The following SCAMP1 variants were observed in gnomAD, a reference collection of about 807,000 sequenced individuals.
SCAMP1 encodes secretory carrier membrane protein 1.
A neutral mutation model predicts 41.8 loss-of-function variants in SCAMP1; 15 were observed. That is an observed-to-expected ratio of 0.36 (90% CI 0.24 to 0.55). The LOEUF is 0.55. SCAMP1 is among the 20% of genes least tolerant of loss of function. The pLI is 0.86. For synonymous variants in SCAMP1, 135 were observed against 136.8 expected, an observed-to-expected ratio of 0.99 and a Z score of 0.09; for missense variants, 341 against 412.6, an observed-to-expected ratio of 0.83 and a Z score of 1.50.
intron 2 of SCAMP1, among the ~76,000 whole-genome samples, chr5:78,408,422 C>A (rs62362629): frequency 0.3 from 45,012 of 151,906 alleles, 6,991 homozygotes; most frequent in East Asian, 0.54. Flanking sequence ...TGGGTGGGGA[C>A]ACAGCCAAAC....
intron 6 of SCAMP1, among the ~76,000 whole-genome samples, chr5:78,449,219 A>T (rs1234034981): frequency 2.0e-5 from 3 of 152,034 alleles, no homozygotes; most frequent in East Asian, 3.8e-4. Context: ...AACTTTATTT[A>T]TAATAATAAA....
At chr5:78,371,591 G>C (rs546791680) in intron 1 of SCAMP1, among the ~76,000 whole-genome samples, 1 of 152,058 alleles carries the variant, frequency 6.6e-6, no homozygotes, top group Non-Finnish European at 1.5e-5. Flanking sequence ...TAACTTGTCC[G>C]GCTTCTAAAA....
chr5:78,405,710 A>G (rs1298130329), intron 2 of SCAMP1, among the ~76,000 whole-genome samples: 2 of 152,090 alleles, frequency 1.3e-5, no homozygotes, highest in African/African-American at 2.4e-5. Flanking sequence ...CAATTCCTGT[A>G]TATGTTTGTG....
chr5:78,458,913 AAGCTTAAAAAATGTAC>A (rs1484875877), intron 7 of SCAMP1, among the ~76,000 whole-genome samples: 4 of 152,312 alleles, frequency 2.6e-5, no homozygotes, highest in African/African-American at 4.8e-5. Flanking sequence ...CAAAACTCAT[AAGCTTAAAAAATGTAC>A]AGCTTAAAAA....
intron 1 of SCAMP1, among the ~76,000 whole-genome samples, chr5:78,368,591 TTCTGG>T (rs1389069703): frequency 2.0e-5 from 3 of 152,198 alleles, no homozygotes; most frequent in African/African-American, 7.2e-5. Flanking sequence ...TAGTATTCTG[TTCTGG>T]TCTAATAGCT....
chr5:78,473,505 A>T (rs547162613), intron 8 of SCAMP1, among the ~76,000 whole-genome samples: 1 of 152,214 alleles, frequency 6.6e-6, no homozygotes, highest in East Asian at 1.9e-4. Context: ...CAGGGGATAC[A>T]TGTGCAGGTT....
At chr5:78,403,703 C>T (rs149411688) in intron 2 of SCAMP1, among the ~76,000 whole-genome samples, 48 of 152,180 alleles carry the variant, frequency 3.2e-4, no homozygotes, top group African/African-American at 9.4e-4. Flanking sequence ...CAGTGGCTCA[C>T]GCCTTTAATC....
At chr5:78,366,628 C>A (rs964703041) in intron 1 of SCAMP1, among the ~76,000 whole-genome samples, 2 of 152,166 alleles carry the variant, frequency 1.3e-5, no homozygotes, top group African/African-American at 4.8e-5. Context: ...AGAATGTTAT[C>A]CATCTTATTT....
intron 1 of SCAMP1, among the ~76,000 whole-genome samples, chr5:78,374,669 T>C (rs1382897915): frequency 1.3e-5 from 2 of 151,774 alleles, no homozygotes; most frequent in African/African-American, 4.8e-5. Context: ...AAAGAAATCT[T>C]TCTCTAGAAT....
rs150858098 is a variant in SCAMP1 at position 78,404,599 on chromosome 5, T to C, written c.136-10921T>C. On this transcript the variant is annotated intron_variant, in intron 2 of 8. Transcript: ENST00000621999. ...AGGTCTCAGTCTTTTATTGAGTCTATGGACTTCACAAATGTTTCGAAGTTG... is the reference window on the plus strand; with the variant it reads ...AGGTCTCAGTCTTTTATTGAGTCTACGGACTTCACAAATGTTTCGAAGTTG... Among the ~76,000 whole-genome samples, 142 of 152,234 alleles carry C rather than the reference T, an allele frequency of 9.3e-4. 4 individuals carry two copies. The East Asian group carries it at 0.026, about 28-fold the overall frequency.
At chr5:78,371,774 ATACTTCCATTTATTT>A (rs1379355263) in intron 1 of SCAMP1, among the ~76,000 whole-genome samples, 4 of 152,350 alleles carry the variant, frequency 2.6e-5, no homozygotes, top group South Asian at 4.1e-4. Context: ...CTTAAAAGAA[ATACTTCCATTTATTT>A]TACAGAATAC....
At chr5:78,447,803 T>C (rs62364297) in intron 6 of SCAMP1, among the ~76,000 whole-genome samples, 3 of 135,996 alleles carry the variant, frequency 2.2e-5, no homozygotes, top group African/African-American at 7.8e-5. Flanking sequence ...CTTCTTCTTC[T>C]TCCTCCTCCC....
intron 7 of SCAMP1, among the ~76,000 whole-genome samples, chr5:78,454,813 T>C (rs1003564980): frequency 6.6e-6 from 1 of 152,246 alleles, no homozygotes; most frequent in African/African-American, 2.4e-5. Context: ...CATCTGGTCC[T>C]GGACTCTTTT....
At chr5:78,469,894 A>T in intron 8 of SCAMP1, among the ~76,000 whole-genome samples, 1 of 34,966 alleles carries the variant, frequency 2.9e-5, no homozygotes, top group African/African-American at 2.8e-4. Context: ...AGACATTAAA[A>T]AAAAAAAAAA....
At chr5:78,426,085 G>A (rs1404278279) in intron 6 of SCAMP1, among the ~76,000 whole-genome samples, 2 of 152,012 alleles carry the variant, frequency 1.3e-5, no homozygotes, top group African/African-American at 4.8e-5. Context: ...GAGAATGATG[G>A]CTTCCAGATT....
At chr5:78,427,500 A>G (rs1238428582) in intron 6 of SCAMP1, among the ~76,000 whole-genome samples, 1 of 152,138 alleles carries the variant, frequency 6.6e-6, no homozygotes, top group Non-Finnish European at 1.5e-5. Context: ...CTATGGCCAT[A>G]TATTCATTTC....
At chr5:78,425,209 T>C (rs777982052) in intron 6 of SCAMP1, among the ~76,000 whole-genome samples, 5 of 152,220 alleles carry the variant, frequency 3.3e-5, no homozygotes, top group East Asian at 1.9e-4. Context: ...ATTTTCAAAG[T>C]AGTACTTTCT....
Position 78,401,763 on chromosome 5 carries a change from C to T in SCAMP1, c.135+12849C>T, listed in dbSNP as rs986342295. ...CTGGCTAGAGGCTTATTGAGTTTAT[C>T]GATCTTTTGAAAAAGCCAGGTTTTC... On this transcript the variant is annotated intron_variant, in intron 2 of 8. Coordinates refer to ENST00000621999, the MANE Select transcript of SCAMP1 (RefSeq NM_004866.6). Among the ~76,000 whole-genome samples, 6 of 152,142 alleles carry T rather than the reference C, an allele frequency of 3.9e-5. No individual in the cohort carries two copies. The East Asian group carries it at 9.7e-4, about 24-fold the overall frequency.
At chr5:78,414,246 G>A (rs1466913681) in intron 2 of SCAMP1, among the ~76,000 whole-genome samples, 2 of 151,594 alleles carry the variant, frequency 1.3e-5, no homozygotes, top group East Asian at 3.9e-4. Flanking sequence ...AGACTGTTCT[G>A]TAGCTTGCTT....
Sources: allele counts gnomAD v4.1 joint callset (sites outside exome capture counted in the v4.1 genomes callset), GRCh38; gene constraint gnomAD v4.1.1; transcripts MANE v1.5; gene names NCBI Gene and HGNC (gene_info 2026-07-23, HGNC 2026-07-21).